NKAIN2: variants seen among roughly 807,000 people sequenced by gnomAD.
NKAIN2 encodes sodium/potassium-transporting ATPase subunit beta-1-interacting protein 2.
In NKAIN2, 14 loss-of-function variants were observed where a neutral mutation model predicts 32.6. That is an observed-to-expected ratio of 0.43 (90% CI 0.28 to 0.67). The LOEUF (loss-of-function observed/expected upper bound fraction) is 0.67, where lower values mean the gene tolerates loss of function less well. Ranked by LOEUF, NKAIN2 falls within the 30% of genes least tolerant of loss-of-function variation. NKAIN2 has a pLI of 0.17. For missense variants in NKAIN2, 198 were observed against 258.3 expected (o/e 0.77, Z 1.60); for synonymous variants, 80 against 87.2 (o/e 0.92, Z 0.46).
chr6:123,977,610 T>G (rs1778700827), intron 1 of NKAIN2, among the ~76,000 whole-genome samples: 2 of 152,162 alleles, frequency 1.3e-5, no homozygotes, highest in African/African-American at 4.8e-5. Context: ...TCCTTATTAA[T>G]TACTTGTGTC....
intron 3 of NKAIN2, among the ~76,000 whole-genome samples, chr6:124,370,343 A>G (rs933651096): frequency 6.6e-6 from 1 of 152,032 alleles, no homozygotes; most frequent in Non-Finnish European, 1.5e-5. Context: ...TTAATTTTTA[A>G]TAACGCAAAA....
intron 5 of NKAIN2, among the ~76,000 whole-genome samples, chr6:124,812,170 T>C (rs1452055762): frequency 6.6e-6 from 1 of 152,194 alleles, no homozygotes; most frequent in Admixed American, 6.5e-5. Flanking sequence ...TGGTGTTTTC[T>C]TCCTACTGGT....
intron 2 of NKAIN2, among the ~76,000 whole-genome samples, chr6:124,321,406 C>T (rs1340537703): frequency 3.3e-5 from 5 of 152,062 alleles, no homozygotes; most frequent in Non-Finnish European, 7.3e-5. Context: ...CACCATGTCA[C>T]GTGTATACCA....
intron 1 of NKAIN2, among the ~76,000 whole-genome samples, chr6:123,970,323 A>C (rs1227658028): frequency 6.6e-6 from 1 of 152,166 alleles, no homozygotes; most frequent in Non-Finnish European, 1.5e-5. Context: ...AAACAACTAG[A>C]AGAAATAGTA....
At chr6:124,676,132 T>C (rs992220011) in intron 4 of NKAIN2, among the ~76,000 whole-genome samples, 1 of 152,222 alleles carries the variant, frequency 6.6e-6, no homozygotes, top group African/African-American at 2.4e-5. Flanking sequence ...TCATGAATTC[T>C]CCTATGTTTC....
At chr6:124,314,495 A>G (rs9482533) in intron 2 of NKAIN2, among the ~76,000 whole-genome samples, 16,744 of 152,152 alleles carry the variant, frequency 0.11, 1,463 homozygotes, top group East Asian at 0.24. Flanking sequence ...AGAGGAGTTA[A>G]GATCCAGGAA....
intron 3 of NKAIN2, among the ~76,000 whole-genome samples, chr6:124,449,287 T>G (rs1388721209): frequency 1.2e-4 from 19 of 152,122 alleles, no homozygotes. Context: ...GTTCCTGTAA[T>G]GGCTGCATTT....
intron 1 of NKAIN2, among the ~76,000 whole-genome samples, chr6:124,015,529 T>C (rs1472957396): frequency 1.3e-5 from 2 of 152,172 alleles, no homozygotes; most frequent in African/African-American, 2.4e-5. Context: ...AAGTATTTTA[T>C]TGGATCATTT....
intron 1 of NKAIN2, among the ~76,000 whole-genome samples, chr6:124,244,086 A>G (rs1793259627): frequency 6.6e-6 from 1 of 151,184 alleles, no homozygotes; most frequent in Admixed American, 6.7e-5. Flanking sequence ...TAATAATTTA[A>G]TTAGTTCTTT....
chr6:124,074,017 C>T (rs1234498314), intron 1 of NKAIN2, among the ~76,000 whole-genome samples: 1 of 152,090 alleles, frequency 6.6e-6, no homozygotes, highest in Admixed American at 6.6e-5. Flanking sequence ...AGTTTCATGG[C>T]TATGATTTAT....
chr6:124,065,670 A>G (rs562615405), intron 1 of NKAIN2, among the ~76,000 whole-genome samples: 2 of 152,280 alleles, frequency 1.3e-5, no homozygotes, highest in South Asian at 4.1e-4. Context: ...GTAAGAAATA[A>G]ATTTCTATTG....
intron 3 of NKAIN2, among the ~76,000 whole-genome samples, chr6:124,389,745 GTGT>G (rs758027370): frequency 0.063 from 9,411 of 150,210 alleles, 815 homozygotes; most frequent in African/African-American, 0.2. Flanking sequence ...GTGTGTGTGT[GTGT>G]GTGGGTTTGA....
intron 3 of NKAIN2, among the ~76,000 whole-genome samples, chr6:124,432,787 G>T (rs1361051634): frequency 6.6e-6 from 1 of 152,076 alleles, no homozygotes; most frequent in African/African-American, 2.4e-5. Context: ...CAGCTTCCCA[G>T]ATTTGGCTTC....
intron 3 of NKAIN2, among the ~76,000 whole-genome samples, chr6:124,420,014 A>G (rs1230282320): frequency 6.6e-6 from 1 of 152,122 alleles, no homozygotes; most frequent in East Asian, 1.9e-4. Context: ...AGAGGAACTG[A>G]TTAAGAAGAA....
At chr6:124,000,971 C>T (rs895796810) in intron 1 of NKAIN2, among the ~76,000 whole-genome samples, 24 of 151,950 alleles carry the variant, frequency 1.6e-4, no homozygotes, top group African/African-American at 4.8e-4. Context: ...TCACCATTGA[C>T]GTGAATGGTA....
chr6:124,688,959 G>A (rs1220467904), intron 4 of NKAIN2, among the ~76,000 whole-genome samples: 1 of 152,066 alleles, frequency 6.6e-6, no homozygotes, highest in East Asian at 1.9e-4. Context: ...ATTGTGGTGT[G>A]GATTTAAGTT....
chr6:123,814,411 T>C (rs1297802885), intron 1 of NKAIN2, among the ~76,000 whole-genome samples: 1 of 152,254 alleles, frequency 6.6e-6, no homozygotes, highest in African/African-American at 2.4e-5. Flanking sequence ...GATTTATTTT[T>C]ATTCAGAAAA....
At chr6:124,474,567 C>T (rs1777108482) in intron 3 of NKAIN2, among the ~76,000 whole-genome samples, 1 of 152,020 alleles carries the variant, frequency 6.6e-6, no homozygotes, top group Non-Finnish European at 1.5e-5. Context: ...CATACGCATA[C>T]ATACTTTCAA....
At chr6:124,331,352 A>C (rs1797645000) in intron 2 of NKAIN2, among the ~76,000 whole-genome samples, 2 of 129,340 alleles carry the variant, frequency 1.5e-5, no homozygotes, top group Admixed American at 7.7e-5. Flanking sequence ...ATACAAAAAA[A>C]AAAAAAAAAA....
Sources: gnomAD v4.1 joint callset for allele counts (sites outside exome capture counted in the v4.1 genomes callset) on GRCh38, gnomAD v4.1.1 for gene constraint, MANE v1.5 for transcripts, NCBI Gene and HGNC (gene_info 2026-07-23, HGNC 2026-07-21) for gene names.